CDC7: variants seen among roughly 807,000 people sequenced by gnomAD.
CDC7 encodes the protein cell division cycle 7-related protein kinase.
CDC7 carries 34 observed loss-of-function variants against 53.5 expected under a neutral mutation model. The ratio of observed to expected loss-of-function variants is 0.64; its 90% confidence interval spans 0.48 to 0.85. The LOEUF is 0.85. CDC7 is among the 40% of genes least tolerant of loss of function. The pLI is 0.00. For missense variants in CDC7, 594 were observed against 679.7 expected, an observed-to-expected ratio of 0.87 and a Z score of 1.40; for synonymous variants, 211 against 222.8, an observed-to-expected ratio of 0.95 and a Z score of 0.47.
chr1:91,521,783 C>A (rs1292874304), intron 11 of CDC7, among the ~76,000 whole-genome samples: 1 of 152,088 alleles, frequency 6.6e-6, no homozygotes, highest in African/African-American at 2.4e-5. Flanking sequence ...AATGGAAATA[C>A]AACATCTGAC....
chr1:91,508,683 T>G lies in CDC7; in HGVS notation c.335+286T>G, dbSNP rs530451407. 5.9e-5 allele frequency among the ~76,000 whole-genome samples: 9 copies of G among 152,314 alleles called. No individual in the cohort carries two copies. The East Asian group carries it at 1.5e-3, about 26-fold the overall frequency. ...AAACCTTGGCTTTCATGGTTTACAT[T>G]ATTTTGTAAATGTAGGGAACTCACA... On this transcript the variant is annotated intron_variant, in intron 4 of 11. Transcript: ENST00000234626.
Position 91,520,277 on chromosome 1 carries a change from T to G in CDC7, c.1328T>G (p.Phe443Cys). 2 of 1,593,126 alleles carry G rather than the reference T, an allele frequency of 1.3e-6. No individual in the cohort carries two copies. The highest frequency in any genetic ancestry group is 1.7e-6 in the Non-Finnish European group (2 of 1,171,852). ...SRETIQAAKT[F>C]GKSILCSKEV... ...GAAACTATCCAAGCTGCTAAAACTT[T>G]TGGTAAGCAGTTTTGTATTATAGAA... Residue 443 changes from phenylalanine (F) to cysteine (C), a missense_variant and splice_region_variant, in exon 11 of 12, where the codon TTT becomes TGT. Transcript: ENST00000234626.
chr1:91,501,876 G>C (rs377222589), intron 2 of CDC7, 45 bp downstream of exon 2: 29 of 1,360,026 alleles, frequency 2.1e-5, no homozygotes, highest in Non-Finnish European at 3.0e-5. Context: ...AGATTTTTCA[G>C]GCAACAATTC....
At chr1:91,515,348 C>T (rs1320032739) in intron 9 of CDC7, among the ~76,000 whole-genome samples, 6 of 152,088 alleles carry the variant, frequency 3.9e-5, no homozygotes, top group African/African-American at 1.2e-4. Context: ...AGTAGAGCTC[C>T]TCTTTTACTC....
At chr1:91,514,266 G>A (rs1220930778) in intron 8 of CDC7, among the ~76,000 whole-genome samples, 3 of 152,022 alleles carry the variant, frequency 2.0e-5, no homozygotes, top group East Asian at 1.9e-4. Flanking sequence ...AGCTATTACT[G>A]TCTTTCTCTA....
In CDC7 at chr1:91,508,214, A is replaced by G. The variant is rs764587629; in HGVS notation, c.200-48A>G. On this transcript the variant is annotated intron_variant, in intron 3 of 11. Coordinates refer to ENST00000234626, the MANE Select transcript of CDC7 (RefSeq NM_003503.4). ...AATCTATCTTAGAATTGTTTCATTAACATTTTTAAAAACCAGATATTGAAA... is the reference window on the plus strand; with the variant it reads ...AATCTATCTTAGAATTGTTTCATTAGCATTTTTAAAAACCAGATATTGAAA... 7 of 1,483,522 alleles carry G rather than the reference A, an allele frequency of 4.7e-6. No homozygotes were observed. In the East Asian group the frequency reaches 1.4e-4, roughly 30 times the overall value. 91.9% of individuals were successfully genotyped at this position (1,483,522 alleles called of 1,614,324 possible). A position where few individuals can be genotyped will look rare whatever the true frequency, so the allele number is the denominator to read the frequency against.
rs1667357329 is a variant in CDC7, at chr1:91,512,941, AT to A, written c.573-115del. On this transcript the variant is annotated intron_variant, in intron 6 of 11. Transcript: ENST00000234626. ...TTTTCTTTTTTCCAGAATGTTATAA[AT>A]TCCTAATTGATCCCAAAAAGAATTA... 4.6e-6 allele frequency: 4 copies of A among 864,754 alleles called. No individual in the cohort carries two copies. The African/African-American group carries it at 5.1e-5, about 11-fold the overall frequency. 53.6% of individuals were successfully genotyped at this position (864,754 alleles called of 1,614,324 possible). A position where few individuals can be genotyped will look rare whatever the true frequency, so the allele number is the denominator to read the frequency against.
chr1:91,504,396 A>C (rs1012041765), intron 2 of CDC7, among the ~76,000 whole-genome samples: 19 of 152,126 alleles, frequency 1.2e-4, no homozygotes, highest in African/African-American at 4.3e-4. Context: ...GGTGTGAGCC[A>C]CCATGCCTGG....
At chr1:91,519,586 G>C (rs766168633) in intron 10 of CDC7, among the ~76,000 whole-genome samples, 14 of 152,048 alleles carry the variant, frequency 9.2e-5, no homozygotes, top group Non-Finnish European at 1.5e-4. Context: ...CACCTACTGT[G>C]TACTCAGAAA....
At chr1:91,509,780 G>T (rs1394697400) in intron 4 of CDC7, among the ~76,000 whole-genome samples, 1 of 151,970 alleles carries the variant, frequency 6.6e-6, no homozygotes, top group Non-Finnish European at 1.5e-5. Flanking sequence ...ACCTTCTCAT[G>T]CCTATCTTCC....
chr1:91,502,131 T>C (rs1276456768), intron 2 of CDC7, among the ~76,000 whole-genome samples: 3 of 152,252 alleles, frequency 2.0e-5, no homozygotes, highest in Non-Finnish European at 4.4e-5. Context: ...TTCTTATCTC[T>C]ACTCACCACA....
chr1:91,501,614 G>A, intron 1 of CDC7, 40 bp from the exon 2 acceptor site: 1 of 836,018 alleles, frequency 1.2e-6, no homozygotes, highest in South Asian at 1.5e-5. Flanking sequence ...GCGTGGTTTA[G>A]CGAGTGATCT....
chr1:91,522,791 T>G (rs918052300), intron 11 of CDC7, among the ~76,000 whole-genome samples: 4 of 152,174 alleles, frequency 2.6e-5, no homozygotes, highest in Non-Finnish European at 4.4e-5. Context: ...AATTGTTTGT[T>G]TCCTCCCTTT....
Position 91,508,350 on chromosome 1 carries a change from T to C in CDC7, c.288T>C (p.Ser96=). ...KIALKHLIPT[S]HPIRIAAELQ... Reference sequence around the variant, plus strand: ...CTCTAAAACACTTGATTCCAACAAGTCATCCTATAAGAATTGCAGCTGAAC... The same window carrying C: ...CTCTAAAACACTTGATTCCAACAAGCCATCCTATAAGAATTGCAGCTGAAC... Residue 96 remains serine, a synonymous_variant, in exon 4 of 12, where the codon AGT becomes AGC. Transcript: ENST00000234626. 2 of 1,612,656 alleles carry C rather than the reference T, an allele frequency of 1.2e-6. No homozygotes were observed. The highest frequency in any genetic ancestry group is 1.7e-6 in the Non-Finnish European group (2 of 1,179,124).
intron 4 of CDC7, among the ~76,000 whole-genome samples, chr1:91,510,921 T>C (rs1047891142): frequency 2.4e-4 from 37 of 152,196 alleles, no homozygotes; most frequent in African/African-American, 8.7e-4. Flanking sequence ...ACTTGGCTTC[T>C]TCCAAGCTCA....
chr1:91,501,550 CAT>C, intron 1 of CDC7, 102 bp from the exon 2 acceptor site: 1 of 642,416 alleles, frequency 1.6e-6, no homozygotes, highest in East Asian at 2.6e-5. Context: ...GGTTTGGACA[CAT>C]CGTGCGTTTG....
chr1:91,521,497 C>T (rs1478506731), intron 11 of CDC7, among the ~76,000 whole-genome samples: 1 of 151,998 alleles, frequency 6.6e-6, no homozygotes, highest in Non-Finnish European at 1.5e-5. Flanking sequence ...CTATCTTGTA[C>T]TTATTGTAAG....
chr1:91,501,634 T>C lies in CDC7; in HGVS notation c.-63-20T>C, dbSNP rs947871056. The C allele has an allele frequency of 1.0e-6, 1 of 958,046 alleles. No individual in the cohort carries two copies. The highest frequency in any genetic ancestry group is 1.7e-6 in the Non-Finnish European group (1 of 599,734). 59.3% of individuals were successfully genotyped at this position (958,046 alleles called of 1,614,324 possible). A position where few individuals can be genotyped will look rare whatever the true frequency, so the allele number is the denominator to read the frequency against. On this transcript the variant is annotated intron_variant, in intron 1 of 11. Coordinates refer to ENST00000234626, the MANE Select transcript of CDC7 (RefSeq NM_003503.4). ...GTTTAGCGAGTGATCTAAATTTCTC[T>C]AGTGTTCTAATTTTCACAGCTGCTT...
At chr1:91,501,446 A>C in intron 1 of CDC7, 2 of 346,228 alleles carry the variant, frequency 5.8e-6, no homozygotes, top group African/African-American at 2.1e-5. Flanking sequence ...CAAGCCGGGA[A>C]ATTCTCCCTG....
Sources: allele counts gnomAD v4.1 joint callset (sites outside exome capture counted in the v4.1 genomes callset), GRCh38; gene constraint gnomAD v4.1.1; transcripts MANE v1.5; gene names NCBI Gene and HGNC (gene_info 2026-07-23, HGNC 2026-07-21).